TNKS: variants seen among roughly 807,000 people sequenced by gnomAD.
TNKS encodes tankyrase.
A neutral mutation model predicts 135.8 loss-of-function variants in TNKS; 72 were observed. The ratio of observed to expected loss-of-function variants is 0.53; its 90% confidence interval spans 0.44 to 0.64. The LOEUF (loss-of-function observed/expected upper bound fraction) is 0.64, where lower values mean the gene tolerates loss of function less well. Among genes scored for constraint, TNKS ranks in the 30% least tolerant of loss-of-function variants. The probability of loss-of-function intolerance (pLI) is 0.00; values close to 1 mark genes in which losing one functional copy is unlikely to be tolerated. For synonymous variants in TNKS, 849 were observed against 649.3 expected (o/e 1.31, Z -4.68); for missense variants, 1,769 against 1,674.0 (o/e 1.06, Z -0.99).
intron 20 of TNKS, among the ~76,000 whole-genome samples, chr8:9,754,781 G>A (rs369574453): frequency 2.5e-4 from 38 of 152,062 alleles, no homozygotes; most frequent in Non-Finnish European, 4.6e-4. Context: ...TGCATCACAG[G>A]TGCCTTTGCG....
chr8:9,685,361 T>C (rs1427565052), intron 5 of TNKS, among the ~76,000 whole-genome samples: 1 of 152,144 alleles, frequency 6.6e-6, no homozygotes, highest in African/African-American at 2.4e-5. Context: ...GAAATAACCA[T>C]ACCCTTTCCA....
intron 20 of TNKS, among the ~76,000 whole-genome samples, chr8:9,754,580 T>C (rs1023529066): frequency 7.2e-5 from 11 of 152,086 alleles, no homozygotes; most frequent in Non-Finnish European, 1.0e-4. Context: ...AACAGCCGAG[T>C]AGGGATAGCA....
Position 9,707,398 on chromosome 8 carries a change from T to C in TNKS, c.1456+401T>C, listed in dbSNP as rs371825008. On this transcript the variant is annotated intron_variant, in intron 8 of 26. Coordinates refer to ENST00000310430, the MANE Select transcript of TNKS (RefSeq NM_003747.3). ...TGACAGTGATAGGTATCTAGCATTA[T>C]TGAAACCTCTTATGGGCTTACGTTC... 3.9e-5 allele frequency among the ~76,000 whole-genome samples: 6 copies of C among 152,170 alleles called. No individual in the cohort carries two copies. In the East Asian group the frequency reaches 9.6e-4, roughly 24 times the overall value.
intron 2 of TNKS, among the ~76,000 whole-genome samples, chr8:9,602,701 C>T (rs1799063520): frequency 6.6e-6 from 1 of 152,080 alleles, no homozygotes; most frequent in Non-Finnish European, 1.5e-5. Flanking sequence ...AATGTAATGC[C>T]ACACATATAT....
At chr8:9,674,596 C>G (rs1454179643) in intron 3 of TNKS, among the ~76,000 whole-genome samples, 2 of 152,150 alleles carry the variant, frequency 1.3e-5, no homozygotes, top group Admixed American at 1.3e-4. Flanking sequence ...AGCTAGTTAC[C>G]TGTGCCTACT....
chr8:9,700,645 A>C (rs1803753103), intron 5 of TNKS, among the ~76,000 whole-genome samples: 1 of 148,926 alleles, frequency 6.7e-6, no homozygotes, highest in Non-Finnish European at 1.5e-5. Flanking sequence ...TGTCATTGGC[A>C]TTTCCAACCT....
At chr8:9,744,113 T>C (rs894126723) in intron 17 of TNKS, among the ~76,000 whole-genome samples, 1 of 152,228 alleles carries the variant, frequency 6.6e-6, no homozygotes, top group Non-Finnish European at 1.5e-5. Flanking sequence ...AAAATACATA[T>C]TTATTTAAGA....
chr8:9,598,853 A>C (rs1034804293), intron 2 of TNKS, among the ~76,000 whole-genome samples: 1 of 142,858 alleles, frequency 7.0e-6, no homozygotes, highest in Non-Finnish European at 1.5e-5. Flanking sequence ...CACACATAAG[A>C]AATTTATCTG....
intron 21 of TNKS, among the ~76,000 whole-genome samples, chr8:9,762,808 G>C (rs796832572): frequency 1.3e-5 from 2 of 151,172 alleles, no homozygotes; most frequent in South Asian, 4.1e-4. Flanking sequence ...GGGAGGCTGA[G>C]GCAGGAGAAT....
At chr8:9,679,723 C>T (rs762451723) in intron 3 of TNKS, 11 of 483,744 alleles carry the variant, frequency 2.3e-5, no homozygotes, top group Non-Finnish European at 4.1e-5. Flanking sequence ...CTGAAGAAAG[C>T]TATTTCATCT....
chr8:9,694,436 GTGTT>G (rs557194441), intron 5 of TNKS, among the ~76,000 whole-genome samples: 124 of 152,242 alleles, frequency 8.1e-4, no homozygotes, highest in African/African-American at 2.8e-3. Flanking sequence ...ATCGTGGCAA[GTGTT>G]TTCAGGACCA....
intron 3 of TNKS, among the ~76,000 whole-genome samples, chr8:9,655,720 A>G (rs1007877128): frequency 6.6e-6 from 1 of 152,210 alleles, no homozygotes; most frequent in Non-Finnish European, 1.5e-5. Flanking sequence ...CAGAAAGGAC[A>G]TCCACACCAA....
At chr8:9,625,795 A>C (rs1005821578) in intron 3 of TNKS, among the ~76,000 whole-genome samples, 1 of 152,178 alleles carries the variant, frequency 6.6e-6, no homozygotes, top group Non-Finnish European at 1.5e-5. Flanking sequence ...TTATTTGGAC[A>C]AAGGTAGGAC....
chr8:9,691,691 TA>T (rs1291342626), intron 5 of TNKS, among the ~76,000 whole-genome samples: 1 of 152,210 alleles, frequency 6.6e-6, no homozygotes, highest in Non-Finnish European at 1.5e-5. Flanking sequence ...AACAAGTTAA[TA>T]CATATAATGC....
chr8:9,636,430 C>G (rs952932782), intron 3 of TNKS, among the ~76,000 whole-genome samples: 4 of 152,062 alleles, frequency 2.6e-5, no homozygotes, highest in African/African-American at 7.2e-5. Context: ...ATAAAGAGCT[C>G]AAGACTTTTT....
At chr8:9,617,093 A>G (rs1449124352) in intron 3 of TNKS, among the ~76,000 whole-genome samples, 2 of 152,242 alleles carry the variant, frequency 1.3e-5, no homozygotes, top group Admixed American at 1.3e-4. Flanking sequence ...AGATACATTT[A>G]ATGCAACAAC....
At chr8:9,752,700 T>G in intron 20 of TNKS, 74 bp downstream of exon 20, 2 of 1,033,618 alleles carry the variant, frequency 1.9e-6, no homozygotes, top group African/African-American at 1.6e-5. Flanking sequence ...GGTTCACACC[T>G]TACTCCCAAC....
At chr8:9,746,880 A>ATTT (rs1806262180) in intron 17 of TNKS, among the ~76,000 whole-genome samples, 1 of 60,308 alleles carries the variant, frequency 1.7e-5, no homozygotes, top group Non-Finnish European at 3.2e-5. Flanking sequence ...ACCTACTTAA[A>ATTT]CTTTTTTTTT....
At chr8:9,607,076 G>A (rs968337152) in intron 2 of TNKS, among the ~76,000 whole-genome samples, 31 of 151,960 alleles carry the variant, frequency 2.0e-4, no homozygotes, top group Non-Finnish European at 8.8e-5. Flanking sequence ...ATTATTGAGC[G>A]TTCCACAGAG....
Sources: gnomAD v4.1 joint callset for allele counts (sites outside exome capture counted in the v4.1 genomes callset) on GRCh38, gnomAD v4.1.1 for gene constraint, MANE v1.5 for transcripts, NCBI Gene and HGNC (gene_info 2026-07-23, HGNC 2026-07-21) for gene names.